Variants in STMN2 observed in about 807,000 individuals in gnomAD.
STMN2 encodes the protein stathmin 2.
A neutral mutation model predicts 24.1 loss-of-function variants in STMN2; 2 were observed. The ratio of observed to expected loss-of-function variants is 0.08; its 90% confidence interval spans 0.03 to 0.26. STMN2 has a LOEUF of 0.26. Ranked by LOEUF, STMN2 falls within the 10% of genes least tolerant of loss-of-function variation. STMN2 has a pLI of 1.00. For missense variants in STMN2, 114 were observed against 213.6 expected (o/e 0.53, Z 2.91); for synonymous variants, 83 against 77.5 (o/e 1.07, Z -0.37).
intron 1 of STMN2, among the ~76,000 whole-genome samples, chr8:79,617,471 C>A (rs563502548): frequency 6.6e-6 from 1 of 152,196 alleles, no homozygotes; most frequent in Admixed American, 6.5e-5. Context: ...TTACTCAACA[C>A]AAAGTTGGAC....
At chr8:79,619,968 C>T (rs190947355) in intron 1 of STMN2, among the ~76,000 whole-genome samples, 32 of 151,628 alleles carry the variant, frequency 2.1e-4, no homozygotes, top group Admixed American at 1.3e-3. Context: ...AAAATTAAAT[C>T]GCATGATCTA....
intron 1 of STMN2, among the ~76,000 whole-genome samples, chr8:79,628,770 C>A (rs7840241): frequency 6.6e-6 from 1 of 151,448 alleles, no homozygotes; most frequent in East Asian, 1.9e-4. Context: ...TCAAAATATC[C>A]GGGAAAAAAA....
intron 1 of STMN2, among the ~76,000 whole-genome samples, chr8:79,622,578 T>C (rs557683805): frequency 6.6e-6 from 1 of 152,346 alleles, no homozygotes; most frequent in South Asian, 2.1e-4. Context: ...TTAAGCATTT[T>C]ATCTAGGTCA....
chr8:79,656,352 T>C (rs1806363693), intron 4 of STMN2, among the ~76,000 whole-genome samples: 2 of 152,052 alleles, frequency 1.3e-5, no homozygotes, highest in Admixed American at 1.3e-4. Flanking sequence ...AACATGAAAG[T>C]TCGGATTAAA....
Position 79,632,556 on chromosome 8 carries a change from C to T in STMN2, c.20-4246C>T, listed in dbSNP as rs16907011. ...AAGGCCATGGTCAGACATCTGGTCC[C>T]GCGAATGACGTTTTCTTTATGGTCA... On this transcript the variant is annotated intron_variant, in intron 1 of 4. Transcript: ENST00000220876. Among the ~76,000 whole-genome samples, 1,404 of 152,276 alleles carry T rather than the reference C, an allele frequency of 9.2e-3. 22 individuals carry two copies. Among genetic ancestry groups the T allele is most frequent in the African/African-American group, 0.031 (1,304 of 41,554 alleles).
rs553191110 is a variant in STMN2 at position 79,650,345 on chromosome 8, T to C, written c.289-4526T>C. On this transcript the variant is annotated intron_variant, in intron 3 of 4. Coordinates refer to ENST00000220876, the MANE Select transcript of STMN2 (RefSeq NM_007029.4). ...TTTCTGCTAATCTGCACAGTCAAGATATAAAGTAAGAATACCTATTTGAAC... is the reference window on the plus strand; with the variant it reads ...TTTCTGCTAATCTGCACAGTCAAGACATAAAGTAAGAATACCTATTTGAAC... Among the ~76,000 whole-genome samples, 167 of 152,300 alleles carry C rather than the reference T, an allele frequency of 1.1e-3. 1 individual carries two copies. Among genetic ancestry groups the C allele is most frequent in the Non-Finnish European group, 1.8e-3 (125 of 68,006 alleles).
intron 1 of STMN2, among the ~76,000 whole-genome samples, chr8:79,634,395 G>A (rs1809889933): frequency 6.6e-6 from 1 of 152,158 alleles, no homozygotes; most frequent in Non-Finnish European, 1.5e-5. Context: ...TCTCAGAATG[G>A]ATGTTCCAGG....
chr8:79,637,022 C>T (rs1374568131), intron 2 of STMN2, 125 bp downstream of exon 2: 17 of 854,470 alleles, frequency 2.0e-5, no homozygotes, highest in African/African-American at 3.4e-5. Flanking sequence ...ATTGACTTGC[C>T]GTGTCTAGCT....
At chr8:79,611,784 G>T in intron 1 of STMN2, 1 of 964,738 alleles carries the variant, frequency 1.0e-6, no homozygotes, top group Non-Finnish European at 1.2e-6. Context: ...GGGGTGCGGT[G>T]CAGGGAGGTA....
intron 3 of STMN2, among the ~76,000 whole-genome samples, chr8:79,642,862 G>A (rs1011947276): frequency 2.7e-5 from 4 of 147,384 alleles, no homozygotes; most frequent in Admixed American, 6.8e-5. Context: ...CCAAATGTCC[G>A]ATGAGCATGT....
chr8:79,620,854 A>T, intron 1 of STMN2: 1 of 442,962 alleles, frequency 2.3e-6, no homozygotes, highest in Non-Finnish European at 3.0e-6. Context: ...AGAGGTTCTC[A>T]CTCTATTAGG....
At chr8:79,628,854 T>G (rs2130327239) in intron 1 of STMN2, among the ~76,000 whole-genome samples, 1 of 152,204 alleles carries the variant, frequency 6.6e-6, no homozygotes, top group East Asian at 1.9e-4. Flanking sequence ...ATAAACTGGA[T>G]GATACAAAAC....
At position 79,664,990 on chromosome 8, in the gene STMN2, A is replaced by T. The variant is rs78006622; in HGVS notation, c.*116A>T. 4.7e-6 allele frequency: 2 copies of T among 428,072 alleles called. No homozygotes were observed. Among genetic ancestry groups the T allele is most frequent in the Non-Finnish European group, 3.4e-6 (1 of 298,244 alleles). The allele number at this position is 428,072 out of a possible 1,614,324, so 26.5% of individuals were successfully genotyped here. On this transcript the variant is annotated 3_prime_UTR_variant, in exon 5 of 5. Transcript: ENST00000220876. Reference sequence around the variant, plus strand: ...ACATGGTTTAAAAAGAACTCATTATAAAAAAAAAAAAACAAAAAAAATCAA... The same window carrying T: ...ACATGGTTTAAAAAGAACTCATTATTAAAAAAAAAAAACAAAAAAAATCAA...
At chr8:79,654,120 A>G (rs993674334) in intron 3 of STMN2, among the ~76,000 whole-genome samples, 1 of 152,182 alleles carries the variant, frequency 6.6e-6, no homozygotes, top group Non-Finnish European at 1.5e-5. Context: ...CATTGTTATC[A>G]AGTGCTCCAG....
Position 79,640,397 on chromosome 8 carries a change from C to T in STMN2, c.116-981C>T, listed in dbSNP as rs2130356980. 1.3e-5 allele frequency among the ~76,000 whole-genome samples: 2 copies of T among 152,262 alleles called. 1 individual carries two copies. Among genetic ancestry groups the T allele is most frequent in the South Asian group, 4.1e-4 (2 of 4,820 alleles). On this transcript the variant is annotated intron_variant, in intron 2 of 4. Transcript: ENST00000220876. ...TCTGTGCCTAGCTTATTTCACTTAG[C>T]ATAGTGTCCTCCAGGTTCACCCATG...
intron 1 of STMN2, among the ~76,000 whole-genome samples, chr8:79,622,858 C>T (rs539681760): frequency 4.6e-5 from 7 of 152,240 alleles, no homozygotes; most frequent in Admixed American, 6.5e-5. Flanking sequence ...CGTACACGCA[C>T]GCATGCATAC....
intron 3 of STMN2, among the ~76,000 whole-genome samples, chr8:79,642,505 A>G (rs922910340): frequency 6.6e-6 from 1 of 152,222 alleles, no homozygotes; most frequent in Admixed American, 6.5e-5. Flanking sequence ...CACTAAGAAC[A>G]TGTTCCCTGC....
At position 79,635,586 on chromosome 8, in the gene STMN2, T is replaced by A. The variant is rs551241828; in HGVS notation, c.20-1216T>A. On this transcript the variant is annotated intron_variant, in intron 1 of 4. Coordinates refer to ENST00000220876, the MANE Select transcript of STMN2 (RefSeq NM_007029.4). Reference sequence around the variant, plus strand: ...AATACAACATGGCCATAAGAAAAAATGAAATCATGTCCTTTGCTGCAACAT... The same window carrying A: ...AATACAACATGGCCATAAGAAAAAAAGAAATCATGTCCTTTGCTGCAACAT... 2.3e-3 allele frequency among the ~76,000 whole-genome samples: 355 copies of A among 151,896 alleles called. 2 individuals are homozygous for A. The highest frequency in any genetic ancestry group is 7.8e-3 in the African/African-American group (324 of 41,374).
chr8:79,611,120 CTT>C lies in STMN2; in HGVS notation c.-75_-74del. The C allele has an allele frequency of 6.3e-7, 1 of 1,599,280 alleles. No individual in the cohort carries two copies. The highest frequency in any genetic ancestry group is 8.6e-7 in the Non-Finnish European group (1 of 1,168,964). On this transcript the variant is annotated 5_prime_UTR_variant, in exon 1 of 5. Coordinates refer to ENST00000220876, the MANE Select transcript of STMN2 (RefSeq NM_007029.4). ...CTGCAGACTCAGTGCCTTATTCAGT[CTT>C]CTCTCTCGCTCTCTCCGCTGCTGTA... is the stretch of plus-strand genomic sequence containing the variant.
Sources: allele counts gnomAD v4.1 joint callset (sites outside exome capture counted in the v4.1 genomes callset), GRCh38; gene constraint gnomAD v4.1.1; transcripts MANE v1.5; gene names NCBI Gene and HGNC (gene_info 2026-07-23, HGNC 2026-07-21).